DOCK9: variants seen among roughly 807,000 people sequenced by gnomAD.
DOCK9 encodes dedicator of cytokinesis 9, also known as dedicator of cytokinesis protein 9.
In DOCK9, 89 loss-of-function variants were observed where a neutral mutation model predicts 263.3. The ratio of observed to expected loss-of-function variants is 0.34; its 90% CI spans 0.28 to 0.40. The LOEUF is 0.40. Among genes scored for constraint, DOCK9 ranks in the 10% least tolerant of loss-of-function variants. The pLI is 1.00. For synonymous variants in DOCK9, 976 were observed against 973.1 expected (o/e 1.00, Z -0.06); for missense variants, 2,140 against 2,603.4 (o/e 0.82, Z 3.87).
Position 99,086,447 on chromosome 13 carries a change from CCGCCGCTCCCGG to C in DOCK9, c.-108_-97del. 3.6e-6 allele frequency: 3 copies of C among 833,198 alleles called. No individual in the cohort carries two copies. The South Asian group carries it at 1.6e-4, about 43-fold the overall frequency. 51.6% of individuals were successfully genotyped at this position (833,198 alleles called of 1,614,324 possible). ...GCCCTCGGCGCCCGGCCCGCTCCGC[CCGCCGCTCCCGG>C]CGCCGCCGCCGCCTGCTCCCCCCGC... On this transcript the variant is annotated 5_prime_UTR_variant, in exon 1 of 33. Coordinates refer to the DOCK9 transcript ENST00000427887.
intron 1 of DOCK9, among the ~76,000 whole-genome samples, chr13:99,006,476 C>T (rs780538531): frequency 1.1e-4 from 16 of 152,098 alleles, no homozygotes; most frequent in South Asian, 2.1e-4. Flanking sequence ...AATAAATTCC[C>T]GTACATATAT....
intron 1 of DOCK9, among the ~76,000 whole-genome samples, chr13:98,990,496 G>T (rs1423255931): frequency 1.3e-5 from 2 of 152,172 alleles, no homozygotes; most frequent in African/African-American, 4.8e-5. Flanking sequence ...AACTCATTTT[G>T]AAATAACTGC....
At position 99,050,262 on chromosome 13, in the gene DOCK9, AT is replaced by A. The variant is rs1431207649; in HGVS notation, c.129+35960del. On this transcript the variant is annotated intron_variant, in intron 1 of 32. Coordinates refer to the DOCK9 transcript ENST00000427887. The stretch of plus-strand genomic sequence containing the variant: ...ATCAAGTACCTAGAGTTCATTCCAT[AT>A]TTCAGGCCTGTAGGAGAAAAAAAAA... 2.6e-5 allele frequency among the ~76,000 whole-genome samples: 4 copies of A among 152,138 alleles called. No individual in the cohort carries two copies. The East Asian group carries it at 7.7e-4, about 29-fold the overall frequency.
intron 38 of DOCK9, among the ~76,000 whole-genome samples, chr13:98,839,712 T>C (rs1177798478): frequency 2.0e-5 from 3 of 152,260 alleles, no homozygotes; most frequent in South Asian, 4.1e-4. Flanking sequence ...AGAATTTAAC[T>C]ACTCCTGGCT....
intron 1 of DOCK9, among the ~76,000 whole-genome samples, chr13:99,003,553 G>A (rs1248863120): frequency 6.6e-6 from 1 of 152,192 alleles, no homozygotes; most frequent in Non-Finnish European, 1.5e-5. Flanking sequence ...GTCTGGAACT[G>A]AAATCCTCCT....
rs565533482 is a variant in DOCK9 at position 99,052,932 on chromosome 13, T to C, written c.129+33291A>G. 2.6e-5 allele frequency among the ~76,000 whole-genome samples: 4 copies of C among 152,290 alleles called. No homozygotes were observed. In the South Asian group the frequency reaches 8.3e-4, roughly 32 times the overall value. On this transcript the variant is annotated intron_variant, in intron 1 of 32. Coordinates refer to the DOCK9 transcript ENST00000427887. Reference sequence around the variant, plus strand: ...TTTGCAAATATATCCTCCCATTCCATTGGCTGTCTCTCCACTCTATTGATG... The same window carrying C: ...TTTGCAAATATATCCTCCCATTCCACTGGCTGTCTCTCCACTCTATTGATG...
intron 1 of DOCK9, among the ~76,000 whole-genome samples, chr13:99,002,080 T>C (rs1168532825): frequency 6.6e-6 from 1 of 152,200 alleles, no homozygotes; most frequent in East Asian, 1.9e-4. Context: ...GGGGCACTGT[T>C]ACCCCTGCTC....
chr13:98,883,636 G>C (rs1435236069), intron 22 of DOCK9, among the ~76,000 whole-genome samples, 177 bp downstream of exon 22: 1 of 152,166 alleles, frequency 6.6e-6, no homozygotes. Flanking sequence ...AATGATGCTT[G>C]TACTAGTCAT....
chr13:98,965,119 G>A (rs186944282), intron 1 of DOCK9, among the ~76,000 whole-genome samples: 1 of 152,230 alleles, frequency 6.6e-6, no homozygotes, highest in Admixed American at 6.5e-5. Context: ...AGATGAGGCC[G>A]GAGTGGCAGG....
At chr13:98,924,590 G>T (rs115263109) in intron 4 of DOCK9, among the ~76,000 whole-genome samples, 59 of 152,318 alleles carry the variant, frequency 3.9e-4, no homozygotes, top group African/African-American at 1.4e-3. Flanking sequence ...GGGTTATGGG[G>T]CAGATCCATC....
rs1180708773 is a variant in DOCK9 at position 98,805,037 on chromosome 13, C to T, written c.5687G>A (p.Gly1896Glu). ...PFTQTGKRQGGVEEQCKRRTI... is the reference protein window; with the variant it reads ...PFTQTGKRQGEVEEQCKRRTI... The stretch of plus-strand genomic sequence containing the variant: ...GCGCCGTTTGCACTGCTCTTCCACC[C>T]CGCCCTGCCTCTTCCCGGTCTGCGT... The change falls in exon 49 of 53, where the codon GGG (glycine) becomes GAG (glutamate). Residue 1896 changes from glycine to glutamate, a missense_variant. Physicochemically the swap from Gly to Glu is moderately conservative, Grantham distance 98. Transcript: ENST00000682017. 2 of 1,610,564 alleles carry T rather than the reference C, an allele frequency of 1.2e-6. No individual in the cohort carries two copies. Among genetic ancestry groups the T allele is most frequent in the Non-Finnish European group, 1.7e-6 (2 of 1,178,474 alleles).
intron 33 of DOCK9, 148 bp from the exon 34 acceptor site, chr13:98,856,179 T>A: frequency 1.4e-6 from 1 of 730,990 alleles, no homozygotes; most frequent in Non-Finnish European, 2.2e-6. Flanking sequence ...ACTTCACCTT[T>A]AAAGAACCAG....
chr13:98,884,394 T>C (rs769756805), intron 21 of DOCK9, among the ~76,000 whole-genome samples: 10 of 152,274 alleles, frequency 6.6e-5, no homozygotes, highest in Non-Finnish European at 1.0e-4. Flanking sequence ...TTGTCTATAA[T>C]ATGAACTTAA....
At chr13:98,891,511 A>G (rs2139073212) in intron 15 of DOCK9, among the ~76,000 whole-genome samples, 1 of 152,296 alleles carries the variant, frequency 6.6e-6, no homozygotes, top group East Asian at 1.9e-4. Flanking sequence ...ATGAACAGGC[A>G]TCTTCATCAC....
chr13:98,823,962 C>A (rs1214866458), intron 45 of DOCK9, among the ~76,000 whole-genome samples: 1 of 152,210 alleles, frequency 6.6e-6, no homozygotes, highest in Admixed American at 6.5e-5. Context: ...TTGCTATGAC[C>A]AGGACCCGAG....
chr13:98,897,124 A>G (rs1046244400), intron 15 of DOCK9, among the ~76,000 whole-genome samples: 1 of 151,858 alleles, frequency 6.6e-6, no homozygotes, highest in African/African-American at 2.4e-5. Flanking sequence ...CAGTCATCGT[A>G]TCTCTTTGGC....
chr13:98,867,885 G>A (rs2094077835), intron 29 of DOCK9, 43 bp downstream of exon 29: 19 of 1,531,008 alleles, frequency 1.2e-5, no homozygotes, highest in Non-Finnish European at 1.7e-5. Flanking sequence ...CCAGAGAAAG[G>A]CTACATGGTG....
rs191631084 is a variant in DOCK9 at position 98,804,911 on chromosome 13, C to T, written c.5725+88G>A. The T allele has an allele frequency of 9.3e-5, 131 of 1,412,420 alleles. 2 individuals carry two copies. In the Admixed American group the frequency reaches 2.7e-3, roughly 29 times the overall value. 87.5% of individuals were successfully genotyped at this position (1,412,420 alleles called of 1,614,324 possible). A position where few individuals can be genotyped will look rare whatever the true frequency, so the allele number is the denominator to read the frequency against. Reference sequence around the variant, plus strand: ...GGTGGCTAACTGAGCTCGAAAGACCCTTCCAGTCCTGAAGCTTCTGAATCC... The same window carrying T: ...GGTGGCTAACTGAGCTCGAAAGACCTTTCCAGTCCTGAAGCTTCTGAATCC... On this transcript the variant is annotated intron_variant, in intron 49 of 52. Transcript: ENST00000682017.
intron 1 of DOCK9, among the ~76,000 whole-genome samples, chr13:99,077,253 G>C (rs1241089409): frequency 6.6e-6 from 1 of 152,180 alleles, no homozygotes; most frequent in Non-Finnish European, 1.5e-5. Flanking sequence ...GTTTGGCTCT[G>C]TGTCCCCACC....
Sources: gnomAD v4.1 joint callset for allele counts (sites outside exome capture counted in the v4.1 genomes callset) on GRCh38, gnomAD v4.1.1 for gene constraint, MANE v1.5 for transcripts, NCBI Gene and HGNC (gene_info 2026-07-23, HGNC 2026-07-21) for gene names.